Variants in CIB4 observed in about 807,000 individuals in gnomAD.
CIB4 encodes the protein calcium and integrin-binding family member 4.
A neutral mutation model predicts 25.8 loss-of-function variants in CIB4; 25 were observed. The ratio of observed to expected loss-of-function variants is 0.97; its 90% confidence interval spans 0.71 to 1.35. The LOEUF (loss-of-function observed/expected upper bound fraction) is 1.35. Among genes scored for constraint, CIB4 ranks in the 40% most tolerant of loss-of-function variants. The pLI is 0.00. For synonymous variants in CIB4, 75 were observed against 81.4 expected (o/e 0.92, Z 0.42); for missense variants, 235 against 228.2 (o/e 1.03, Z -0.19).
At position 26,619,791 on chromosome 2, in the gene CIB4, A is replaced by C. The variant is rs1220672190; in HGVS notation, c.186+9619T>G. 9.7e-3 allele frequency among the ~76,000 whole-genome samples: 969 copies of C among 99,538 alleles called. 3 individuals are homozygous for C. Among genetic ancestry groups the C allele is most frequent in the African/African-American group, 0.029 (779 of 26,574 alleles). The allele number at this position is 99,538 out of a possible 152,430, so 65.3% of individuals were successfully genotyped here. On this transcript the variant is annotated intron_variant, in intron 3 of 6. Transcript: ENST00000288861. ...AGACTCTGCGACTGAGGAAGCAGGA[A>C]CCAAAGCCCACAGCGGGGAAGGCAA... is the stretch of plus-strand genomic sequence containing the variant.
chr2:26,618,689 G>C (rs1168495318), intron 3 of CIB4, among the ~76,000 whole-genome samples: 1 of 152,214 alleles, frequency 6.6e-6, no homozygotes, highest in Non-Finnish European at 1.5e-5. Context: ...CGGGTGCTGG[G>C]GAAGGGTCTA....
chr2:26,607,466 C>T (rs919758827), intron 3 of CIB4, among the ~76,000 whole-genome samples: 7 of 152,154 alleles, frequency 4.6e-5, no homozygotes, highest in African/African-American at 1.7e-4. Context: ...TTTTTAATAG[C>T]TTGTGATCAA....
At chr2:26,582,282 C>T (rs116106194) in intron 6 of CIB4, among the ~76,000 whole-genome samples, 5 of 152,210 alleles carry the variant, frequency 3.3e-5, no homozygotes, top group African/African-American at 1.2e-4. Context: ...ACGCATCTCC[C>T]GAAAGCAGCA....
intron 3 of CIB4, among the ~76,000 whole-genome samples, chr2:26,619,558 C>A (rs1669162720): frequency 6.6e-6 from 1 of 152,178 alleles, no homozygotes; most frequent in African/African-American, 2.4e-5. Flanking sequence ...CTCCTGACAC[C>A]TGCCAAAATG....
At chr2:26,595,061 A>T in intron 4 of CIB4, 115 bp downstream of exon 4, 1 of 996,672 alleles carries the variant, frequency 1.0e-6, no homozygotes, top group Non-Finnish European at 1.5e-6. Context: ...ACCCACAGAT[A>T]CCCAAGCACA....
chr2:26,604,183 C>T (rs893523918), intron 3 of CIB4, among the ~76,000 whole-genome samples: 1 of 151,968 alleles, frequency 6.6e-6, no homozygotes, highest in African/African-American at 2.4e-5. Context: ...AGTTCGAGAC[C>T]AGTCTGGGCA....
At chr2:26,584,564 A>G (rs968520315) in intron 4 of CIB4, among the ~76,000 whole-genome samples, 2 of 152,224 alleles carry the variant, frequency 1.3e-5, no homozygotes, top group Non-Finnish European at 2.9e-5. Flanking sequence ...TTAAGGGGAC[A>G]AGAGGCAATA....
rs140746604 is a variant in CIB4, at chr2:26,589,828, GA to G, written c.328+5347del. ...GGGTGGGGCTTCCAAGAAAGCTTGT[GA>G]AAGGAGAGTGGACTTAGCTGCACTT... On this transcript the variant is annotated intron_variant, in intron 4 of 6. Transcript: ENST00000288861. 2.1e-3 allele frequency among the ~76,000 whole-genome samples: 316 copies of G among 152,300 alleles called. 2 individuals carry two copies. Among genetic ancestry groups the G allele is most frequent in the African/African-American group, 7.1e-3 (297 of 41,554 alleles).
At chr2:26,640,965 C>T (rs1011949982) in intron 1 of CIB4, among the ~76,000 whole-genome samples, 15 of 152,238 alleles carry the variant, frequency 9.9e-5, no homozygotes, top group African/African-American at 3.4e-4. Context: ...GTCCAACCCA[C>T]GGCCTGCAGG....
chr2:26,630,244 A>G lies in CIB4; in HGVS notation c.90-738T>C, dbSNP rs550573524. Among the ~76,000 whole-genome samples, 212 of 152,208 alleles carry G rather than the reference A, an allele frequency of 1.4e-3. 1 individual carries two copies. The highest frequency in any genetic ancestry group is 4.9e-3 in the African/African-American group (205 of 41,520). ...TCAGGCTAAGAGAGGATGAGCCCTC[A>G]TTGCCTGTCTCTCTCACCCTATCCT... On this transcript the variant is annotated intron_variant, in intron 2 of 6. Transcript: ENST00000288861.
chr2:26,626,400 C>CA (rs34258205), intron 3 of CIB4, among the ~76,000 whole-genome samples: 264 of 127,590 alleles, frequency 2.1e-3, no homozygotes, highest in South Asian at 0.015. Flanking sequence ...AAGCAACATA[C>CA]AAAAAAAAAA....
chr2:26,610,626 G>A (rs1400022567), intron 3 of CIB4, among the ~76,000 whole-genome samples: 1 of 152,146 alleles, frequency 6.6e-6, no homozygotes, highest in East Asian at 1.9e-4. Context: ...CAGACCTCTG[G>A]GCACCACACC....
At chr2:26,596,872 C>T (rs536486757) in intron 3 of CIB4, among the ~76,000 whole-genome samples, 5 of 152,238 alleles carry the variant, frequency 3.3e-5, no homozygotes, top group Admixed American at 3.3e-4. Flanking sequence ...AAAGAGCTAT[C>T]AAACTTAAAG....
chr2:26,589,233 C>A (rs1273075687), intron 4 of CIB4, among the ~76,000 whole-genome samples: 1 of 148,840 alleles, frequency 6.7e-6, no homozygotes, highest in Non-Finnish European at 1.5e-5. Context: ...TCCTCCCCCT[C>A]TTCTTCTACT....
intron 4 of CIB4, among the ~76,000 whole-genome samples, chr2:26,593,952 T>C (rs548935552): frequency 1.3e-4 from 20 of 152,212 alleles, no homozygotes; most frequent in Non-Finnish European, 2.2e-4. Flanking sequence ...AGGGGCTGTG[T>C]GTGCCCCAAA....
chr2:26,582,855 T>G lies in CIB4; in HGVS notation c.497A>C (p.His166Pro). 1.2e-6 allele frequency: 2 copies of G among 1,613,584 alleles called. No individual in the cohort carries two copies. The highest frequency in any genetic ancestry group is 8.5e-7 in the Non-Finnish European group (1 of 1,179,544). ...DNMLSFSEFE[H>P]AMAKSPDFMN... The stretch of plus-strand genomic sequence containing the variant: ...GAAATCTGGAGACTTGGCCATTGCA[T>G]GTTCAAACTCTGAGAAGGACAGCAT... Residue 166 changes from histidine to proline, a missense_variant, in exon 6 of 7, where the codon CAT (histidine) becomes CCT (proline). His to Pro is a moderately conservative substitution (Grantham distance 77). Coordinates refer to ENST00000288861, the MANE Select transcript of CIB4 (RefSeq NM_001029881.3).
intron 3 of CIB4, among the ~76,000 whole-genome samples, chr2:26,620,529 C>G (rs1054510661): frequency 6.6e-6 from 1 of 152,320 alleles, no homozygotes. Context: ...AATAAACATA[C>G]AGGTGCTGAA....
chr2:26,614,903 A>T (rs910821485), intron 3 of CIB4, among the ~76,000 whole-genome samples: 7 of 152,248 alleles, frequency 4.6e-5, no homozygotes, highest in African/African-American at 1.7e-4. Context: ...CTGCACGTCA[A>T]GGATAATGCG....
chr2:26,609,362 C>A (rs1466487893), intron 3 of CIB4, among the ~76,000 whole-genome samples: 4 of 152,176 alleles, frequency 2.6e-5, no homozygotes, highest in Admixed American at 6.5e-5. Context: ...AGGGCCCTTA[C>A]AGAGACCACC....
Sources: allele counts gnomAD v4.1 joint callset (sites outside exome capture counted in the v4.1 genomes callset), GRCh38; gene constraint gnomAD v4.1.1; transcripts MANE v1.5; gene names NCBI Gene and HGNC (gene_info 2026-07-23, HGNC 2026-07-21).